Variants in ACOT12 observed in about 807,000 individuals in gnomAD.
The protein encoded by ACOT12 is acyl-CoA thioesterase 12.
ACOT12 carries 51 observed loss-of-function variants against 67.7 expected under a neutral mutation model. The ratio of observed to expected loss-of-function variants is 0.75; its 90% CI spans 0.60 to 0.95. The LOEUF (loss-of-function observed/expected upper bound fraction) is 0.95. Ranked by LOEUF, ACOT12 falls within the 40% of genes least tolerant of loss-of-function variation. ACOT12 has a pLI of 0.00. For missense variants in ACOT12, 734 were observed against 708.1 expected (o/e 1.04, Z -0.41); for synonymous variants, 251 against 244.6 (o/e 1.03, Z -0.24).
rs377749793 is a variant in ACOT12 at position 81,344,169 on chromosome 5, C to A, written c.971G>T (p.Arg324Leu). The change falls in exon 9 of 15, where the codon CGC (arginine) becomes CTC (leucine). Residue 324 changes from arginine to leucine, a missense_variant. By Grantham distance (102) the Arg-to-Leu change is moderately radical. Coordinates refer to ENST00000307624, the MANE Select transcript of ACOT12 (RefSeq NM_130767.3). ...ACCTTATGTTCCTTACCTGCCTAGG[C>A]GAATTCGCTTGCGTGCAATAGCTCC... ...YRGAIARKRIRLGRKYVISHK... is the reference protein window; with the variant it reads ...YRGAIARKRILLGRKYVISHK... 1.1e-5 allele frequency: 17 copies of A among 1,613,540 alleles called. No homozygotes were observed. The highest frequency in any genetic ancestry group is 1.3e-5 in the Non-Finnish European group (15 of 1,179,800).
chr5:81,349,908 T>G (rs1173397058), intron 5 of ACOT12, among the ~76,000 whole-genome samples: 1 of 152,234 alleles, frequency 6.6e-6, no homozygotes, highest in African/African-American at 2.4e-5. Context: ...TCCCCATTTT[T>G]GCTTAGAAGT....
chr5:81,311,493 G>T, the ACOT12 span, among the ~76,000 whole-genome samples: 9 of 152,034 alleles, frequency 5.9e-5, no homozygotes. Flanking sequence ...TAAGCCTTAG[G>T]GGACCCTGAC....
chr5:81,349,649 T>C (rs1203989101), intron 5 of ACOT12, among the ~76,000 whole-genome samples: 1 of 152,226 alleles, frequency 6.6e-6, no homozygotes, highest in Non-Finnish European at 1.5e-5. Flanking sequence ...TTATGTTATT[T>C]GTGTGCCCTT....
chr5:81,344,780 G>A, intron 8 of ACOT12, 111 bp downstream of exon 8: 1 of 1,360,488 alleles, frequency 7.4e-7, no homozygotes, highest in Non-Finnish European at 1.0e-6. Flanking sequence ...GCTGAAAAGA[G>A]GGAAAACCAA....
rs147089882 is a variant in ACOT12 at position 81,332,483 on chromosome 5, T to C, written c.1385A>G (p.Lys462Arg). The C allele has an allele frequency of 2.5e-6, 4 of 1,613,874 alleles. No individual in the cohort carries two copies. Among genetic ancestry groups the C allele is most frequent in the Non-Finnish European group, 3.4e-6 (4 of 1,179,944 alleles). ...VVLVSRRKPL[K>R]DGNTYTVAVK... ...TTGGACTGCATATACTCACCCATCTTTGAGGGGTTTTCTTCGTGATACGAG... is the reference window on the plus strand; with the variant it reads ...TTGGACTGCATATACTCACCCATCTCTGAGGGGTTTTCTTCGTGATACGAG... Residue 462 changes from lysine to arginine, a missense_variant, in exon 13 of 15, where the codon AAA becomes AGA. Physicochemically the swap from Lys to Arg is conservative, Grantham distance 26. Coordinates refer to ENST00000307624, the MANE Select transcript of ACOT12 (RefSeq NM_130767.3).
At chr5:81,370,678 A>G (rs1760222027) in intron 3 of ACOT12, among the ~76,000 whole-genome samples, 1 of 152,212 alleles carries the variant, frequency 6.6e-6, no homozygotes, top group Non-Finnish European at 1.5e-5. Context: ...TCCAGCCCTC[A>G]GAGAAACCAT....
intron 13 of ACOT12, among the ~76,000 whole-genome samples, chr5:81,331,407 C>G (rs762959819): frequency 2.0e-5 from 3 of 152,178 alleles, no homozygotes; most frequent in Non-Finnish European, 2.9e-5. Context: ...CATGGTGGCG[C>G]ATGCCTGTAA....
At chr5:81,362,160 ATTC>A (rs1284565214) in intron 4 of ACOT12, among the ~76,000 whole-genome samples, 1 of 140,514 alleles carries the variant, frequency 7.1e-6, no homozygotes, top group Non-Finnish European at 1.5e-5. Flanking sequence ...TGACTATTAT[ATTC>A]TTTTTTTTTT....
intron 2 of ACOT12, among the ~76,000 whole-genome samples, chr5:81,382,737 G>T (rs1263881298): frequency 6.6e-6 from 1 of 152,022 alleles, no homozygotes; most frequent in Non-Finnish European, 1.5e-5. Context: ...GGGAGGCGGA[G>T]GTTGCAGTGA....
At chr5:81,361,732 C>T (rs1477484821) in intron 4 of ACOT12, among the ~76,000 whole-genome samples, 1 of 152,222 alleles carries the variant, frequency 6.6e-6, no homozygotes. Context: ...TCCCTCCGCA[C>T]CATCTGCTTT....
chr5:81,343,913 GTT>G, intron 9 of ACOT12, 32 bp from the exon 10 acceptor site: 3 of 1,583,688 alleles, frequency 1.9e-6, no homozygotes, highest in Non-Finnish European at 2.6e-6. Flanking sequence ...TTAAATGACA[GTT>G]TTTTTCTCTG....
the ACOT12 span, among the ~76,000 whole-genome samples, chr5:81,320,942 C>T: frequency 2.0e-5 from 3 of 152,036 alleles, no homozygotes; most frequent in African/African-American, 7.2e-5. Context: ...CTGTGAAGGC[C>T]GGCTCTCTGG....
intron 2 of ACOT12, among the ~76,000 whole-genome samples, chr5:81,373,634 G>C (rs1316997779): frequency 2.0e-5 from 3 of 152,202 alleles, no homozygotes. Flanking sequence ...AATTCTCGCT[G>C]CCAGCACAGC....
At chr5:81,328,452 A>G (rs537364589), downstream of ACOT12, among the ~76,000 whole-genome samples, 1 of 152,364 alleles carries the variant, frequency 6.6e-6, no homozygotes, top group African/African-American at 2.4e-5. Context: ...CCTAAGAAAA[A>G]GGAAAATGCA....
At chr5:81,378,462 C>A (rs189152699) in intron 2 of ACOT12, among the ~76,000 whole-genome samples, 3 of 152,188 alleles carry the variant, frequency 2.0e-5, no homozygotes, top group Non-Finnish European at 2.9e-5. Flanking sequence ...AAAGCAATGG[C>A]AACAAAAGCC....
chr5:81,391,790 G>A (rs1371841056), intron 1 of ACOT12, among the ~76,000 whole-genome samples: 1 of 152,164 alleles, frequency 6.6e-6, no homozygotes, highest in Non-Finnish European at 1.5e-5. Context: ...TTGGATTTCA[G>A]AGACTCCTTT....
chr5:81,393,888 G>A (rs1045231486), intron 1 of ACOT12, 100 bp downstream of exon 1: 1 of 1,216,706 alleles, frequency 8.2e-7, no homozygotes, highest in Non-Finnish European at 1.0e-6. Flanking sequence ...TCAGCTCTCC[G>A]CAAGTACCTT....
intron 2 of ACOT12, among the ~76,000 whole-genome samples, chr5:81,380,092 C>G (rs533268668): frequency 6.6e-6 from 1 of 152,164 alleles, no homozygotes; most frequent in South Asian, 2.1e-4. Flanking sequence ...GCAATTAATT[C>G]CTATATTAGA....
intron 3 of ACOT12, 62 bp downstream of exon 3, chr5:81,371,688 C>G: frequency 1.3e-6 from 2 of 1,512,154 alleles, no homozygotes; most frequent in Non-Finnish European, 1.8e-6. Flanking sequence ...TCCTGCTCTA[C>G]CCTTTGTAAA....
Sources: allele counts gnomAD v4.1 joint callset (sites outside exome capture counted in the v4.1 genomes callset), GRCh38; gene constraint gnomAD v4.1.1; transcripts MANE v1.5; gene names NCBI Gene and HGNC (gene_info 2026-07-23, HGNC 2026-07-21).